The following RAB3GAP2 variants were observed in gnomAD, a reference collection of about 807,000 sequenced individuals.
The protein encoded by RAB3GAP2 is RAB3 GTPase activating non-catalytic protein subunit 2, also known as rab3 GTPase-activating protein non-catalytic subunit.
In RAB3GAP2, 87 loss-of-function variants were observed where a neutral mutation model predicts 185.3. The observed-to-expected ratio is 0.47, with a 90% CI of 0.39 to 0.56. The LOEUF (loss-of-function observed/expected upper bound fraction) is 0.56. RAB3GAP2 is among the 20% of genes least tolerant of loss of function. The pLI, the probability that RAB3GAP2 is intolerant of heterozygous loss-of-function variation, is 0.00. For missense variants in RAB3GAP2, 1,492 were observed against 1,638.2 expected (o/e 0.91, Z 1.54); for synonymous variants, 554 against 576.1 (o/e 0.96, Z 0.55).
At chr1:220,246,066 A>G (rs1659807102) in intron 1 of RAB3GAP2, among the ~76,000 whole-genome samples, 1 of 152,164 alleles carries the variant, frequency 6.6e-6, no homozygotes, top group African/African-American at 2.4e-5. Context: ...AGTGAACTCA[A>G]ACAAATTTAC....
chr1:220,234,913 C>T (rs1369208363), intron 1 of RAB3GAP2, among the ~76,000 whole-genome samples: 1 of 152,178 alleles, frequency 6.6e-6, no homozygotes, highest in Non-Finnish European at 1.5e-5. Flanking sequence ...TTTCTGTATG[C>T]CTAAATGCTT....
At chr1:220,267,494 C>T (rs1240263142) in intron 1 of RAB3GAP2, 2 of 1,407,376 alleles carry the variant, frequency 1.4e-6, no homozygotes, top group Non-Finnish European at 2.0e-6. Context: ...CCAAACTTTC[C>T]TTTACCCGGA....
chr1:220,199,432 C>A (rs1381535130), intron 9 of RAB3GAP2, among the ~76,000 whole-genome samples: 1 of 152,182 alleles, frequency 6.6e-6, no homozygotes, highest in Non-Finnish European at 1.5e-5. Flanking sequence ...TCTACTGTAA[C>A]TTTCATATCA....
intron 9 of RAB3GAP2, among the ~76,000 whole-genome samples, chr1:220,198,939 G>C (rs1480392022): frequency 6.6e-6 from 1 of 152,184 alleles, no homozygotes; most frequent in African/African-American, 2.4e-5. Flanking sequence ...GAGGGAGAAA[G>C]CCATGTGACT....
At chr1:220,200,589 C>T (rs768721393) in intron 9 of RAB3GAP2, 5 of 529,494 alleles carry the variant, frequency 9.4e-6, no homozygotes, top group South Asian at 2.8e-5. Flanking sequence ...AGTTTCTATC[C>T]AATCATTTTC....
At chr1:220,269,768 C>A (rs1238758055) in intron 1 of RAB3GAP2, among the ~76,000 whole-genome samples, 1 of 152,126 alleles carries the variant, frequency 6.6e-6, no homozygotes, top group Non-Finnish European at 1.5e-5. Context: ...TAAAAGCTCA[C>A]TGTAACTACT....
chr1:220,256,063 T>C (rs181230137), intron 1 of RAB3GAP2, among the ~76,000 whole-genome samples: 31 of 152,214 alleles, frequency 2.0e-4, no homozygotes, highest in African/African-American at 7.5e-4. Context: ...AGGAAACCCA[T>C]TAGACTAACA....
chr1:220,166,861 G>A (rs1356283388), intron 26 of RAB3GAP2, among the ~76,000 whole-genome samples: 2 of 152,104 alleles, frequency 1.3e-5, no homozygotes, highest in Admixed American at 6.5e-5. Flanking sequence ...CTTTTATCAC[G>A]ATGACTATAA....
chr1:220,258,161 C>G (rs888802529), intron 1 of RAB3GAP2, among the ~76,000 whole-genome samples: 2 of 152,040 alleles, frequency 1.3e-5, no homozygotes, highest in African/African-American at 2.4e-5. Flanking sequence ...TCCAGAGGTA[C>G]AAAGAAGAGC....
intron 1 of RAB3GAP2, among the ~76,000 whole-genome samples, chr1:220,241,314 T>C (rs1659693440): frequency 6.6e-6 from 1 of 152,018 alleles, no homozygotes; most frequent in East Asian, 1.9e-4. Flanking sequence ...CCAATATGAG[T>C]ATGTCAAGTT....
intron 1 of RAB3GAP2, among the ~76,000 whole-genome samples, chr1:220,271,440 A>G (rs1395711396): frequency 2.0e-5 from 3 of 152,234 alleles, no homozygotes; most frequent in African/African-American, 7.2e-5. Flanking sequence ...ATAGTATCTA[A>G]TAAACCAGCC....
rs11547779 is a variant in RAB3GAP2, at chr1:220,157,330, C to A, written c.3495G>T (p.Leu1165Phe). 3.7e-6 allele frequency: 6 copies of A among 1,613,860 alleles called. No individual in the cohort carries two copies. Among genetic ancestry groups the A allele is most frequent in the Non-Finnish European group, 5.1e-6 (6 of 1,179,960 alleles). ...VEHHSILCSI[L>F]YAVMRFSLKT... ...TCAGAGAAAACCTCATGACTGCATA[C>A]AAGATGGAGCACAGGATGGAGTGGT... Residue 1165 changes from leucine (L) to phenylalanine (F), a missense_variant, in exon 31 of 35, where the codon TTG becomes TTT. Around this residue, in one of 5 missense-constraint regions of RAB3GAP2, gnomAD observed 387 missense variants for 455.3 expected, o/e 0.85. Transcript: ENST00000358951.
chr1:220,179,138 A>C (rs1243716487), intron 21 of RAB3GAP2, among the ~76,000 whole-genome samples: 1 of 151,922 alleles, frequency 6.6e-6, no homozygotes, highest in Admixed American at 6.6e-5. Context: ...AAAAAGAGAC[A>C]AAGGGGAGGC....
chr1:220,188,806 G>A lies in RAB3GAP2; in HGVS notation c.1779+897C>T, dbSNP rs79087749. On this transcript the variant is annotated intron_variant, in intron 17 of 34. Transcript: ENST00000358951. ...AACCTAACCGTTCACTGACAGGAGTGTAAATAAATTCTAGTCAGTGAGCAG... is the reference window on the plus strand; with the variant it reads ...AACCTAACCGTTCACTGACAGGAGTATAAATAAATTCTAGTCAGTGAGCAG... Among the ~76,000 whole-genome samples, 600 of 152,292 alleles carry A rather than the reference G, an allele frequency of 3.9e-3. 5 individuals carry two copies. The highest frequency in any genetic ancestry group is 0.014 in the African/African-American group (578 of 41,562).
chr1:220,157,418 C>T lies in RAB3GAP2; in HGVS notation c.3407G>A (p.Gly1136Glu), dbSNP rs1464016468. 1 of 1,613,930 alleles carries T rather than the reference C, an allele frequency of 6.2e-7. No individual in the cohort carries two copies. The highest frequency in any genetic ancestry group is 8.5e-7 in the Non-Finnish European group (1 of 1,179,998). Residue 1136 changes from glycine to glutamate, a missense_variant, in exon 31 of 35, where the codon GGA (glycine) becomes GAA (glutamate). Physicochemically the swap from Gly to Glu is moderately conservative, Grantham distance 98 (BLOSUM62 -2). This residue lies in a region of RAB3GAP2 where 387 missense variants were observed against 455.3 expected (regional missense o/e 0.85). Transcript: ENST00000358951. ...DTEDAWLSVE[G>E]PISIVELALE... The stretch of plus-strand genomic sequence containing the variant: ...GGCCAGTTCCACTATGGAGATTGGT[C>T]CTTCCACGGAGAGCCACGCATCCTC...
At chr1:220,215,358 C>A (rs1002907537) in intron 2 of RAB3GAP2, among the ~76,000 whole-genome samples, 2 of 152,092 alleles carry the variant, frequency 1.3e-5, no homozygotes, top group African/African-American at 4.8e-5. Context: ...TGCTTTTTCA[C>A]AGGCATTTCA....
chr1:220,151,501 A>G, intron 34 of RAB3GAP2, 95 bp from the exon 35 acceptor site: 1 of 1,595,972 alleles, frequency 6.3e-7, no homozygotes, highest in Non-Finnish European at 8.6e-7. Flanking sequence ...TTTCTTTGTA[A>G]CTAGGTGAAT....
At chr1:220,255,303 T>C (rs1391402600) in intron 1 of RAB3GAP2, among the ~76,000 whole-genome samples, 1 of 151,432 alleles carries the variant, frequency 6.6e-6, no homozygotes, top group African/African-American at 2.4e-5. Context: ...AGACTGAAGA[T>C]AGATAGCCCC....
Position 220,196,322 on chromosome 1 carries a change from A to G in RAB3GAP2, c.888T>C (p.Asn296=). The G allele has an allele frequency of 6.2e-7, 1 of 1,610,258 alleles. No individual in the cohort carries two copies. Among genetic ancestry groups the G allele is most frequent in the Non-Finnish European group, 8.5e-7 (1 of 1,176,672 alleles). The change falls in exon 10 of 35, where the codon AAT becomes AAC. Residue 296 remains asparagine (N), a synonymous_variant. Coordinates refer to ENST00000358951, the MANE Select transcript of RAB3GAP2 (RefSeq NM_012414.4). Reference sequence around the variant, plus strand: ...TATACTGAGACATGGCAGGTGGACTATTTTTAATTGCTGCATTAAATCCAC... The same window carrying G: ...TATACTGAGACATGGCAGGTGGACTGTTTTTAATTGCTGCATTAAATCCAC... The part of the protein sequence containing the change: ...NIGGFNAAIK[N]SPPAMSQYIT...
Sources: allele counts gnomAD v4.1 joint callset (sites outside exome capture counted in the v4.1 genomes callset), GRCh38; gene constraint gnomAD v4.1.1; regional missense constraint gnomAD v4.1.1; transcripts MANE v1.5; gene names NCBI Gene and HGNC (gene_info 2026-07-23, HGNC 2026-07-21).